The following VPS54 variants were observed in gnomAD, a reference collection of about 807,000 sequenced individuals.
VPS54 encodes VPS54 subunit of GARP complex.
A neutral mutation model predicts 121.5 loss-of-function variants in VPS54; 45 were observed. The ratio of observed to expected loss-of-function variants is 0.37; its 90% CI spans 0.29 to 0.47. The LOEUF (loss-of-function observed/expected upper bound fraction) is 0.47. Among genes scored for constraint, VPS54 ranks in the 20% least tolerant of loss-of-function variants. The probability of loss-of-function intolerance (pLI) is 0.99; values close to 1 mark genes in which losing one functional copy is unlikely to be tolerated. For synonymous variants in VPS54, 371 were observed against 385.8 expected, an observed-to-expected ratio of 0.96 and a Z score of 0.45; for missense variants, 1,090 against 1,131.4, an observed-to-expected ratio of 0.96 and a Z score of 0.52.
At chr2:64,002,468 GC>G (rs1359626140) in intron 1 of VPS54, among the ~76,000 whole-genome samples, 3 of 152,184 alleles carry the variant, frequency 2.0e-5, no homozygotes, top group African/African-American at 7.2e-5. Context: ...GAAGTGTTAA[GC>G]CACAGACATG....
rs753687856 is a variant in VPS54 at position 63,912,527 on chromosome 2, T to C, written c.2544+13A>G. The C allele has an allele frequency of 6.8e-6, 11 of 1,611,598 alleles. No homozygotes were observed. The highest frequency in any genetic ancestry group is 1.6e-4 in the Middle Eastern group (1 of 6,064). ...ACTTATGAAACGCCAATAGAAAATA[T>C]ATGAAAAAGTACCTTAGTGATATGA... is the stretch of plus-strand genomic sequence containing the variant. On this transcript the variant is annotated intron_variant, in intron 19 of 22. Transcript: ENST00000272322.
chr2:64,005,363 A>C (rs1678093901), intron 1 of VPS54, among the ~76,000 whole-genome samples: 2 of 151,442 alleles, frequency 1.3e-5, no homozygotes, highest in South Asian at 2.1e-4. Flanking sequence ...TCGGCCTCCC[A>C]AAGTGCTGGG....
In VPS54 at chr2:63,996,102, G is replaced by A. The variant is rs571876370; in HGVS notation, c.-20-12083C>T. Among the ~76,000 whole-genome samples, 3 of 152,274 alleles carry A rather than the reference G, an allele frequency of 2.0e-5. No homozygotes were observed. The East Asian group carries it at 5.8e-4, about 29-fold the overall frequency. Reference sequence around the variant, plus strand: ...CGAGAGAACAAGCCTTCATCACCATGGCACATTTATATAAAAAGAAAGGGA... The same window carrying A: ...CGAGAGAACAAGCCTTCATCACCATAGCACATTTATATAAAAAGAAAGGGA... On this transcript the variant is annotated intron_variant, in intron 1 of 22. Coordinates refer to ENST00000272322, the MANE Select transcript of VPS54 (RefSeq NM_016516.3).
At chr2:64,009,212 G>A (rs146070535) in intron 1 of VPS54, among the ~76,000 whole-genome samples, 1,869 of 152,126 alleles carry the variant, frequency 0.012, 17 homozygotes, top group Non-Finnish European at 0.015. Flanking sequence ...TCTCATAACT[G>A]TTACTTATGT....
At chr2:63,992,097 A>T (rs1677350502) in intron 1 of VPS54, among the ~76,000 whole-genome samples, 1 of 152,224 alleles carries the variant, frequency 6.6e-6, no homozygotes, top group Non-Finnish European at 1.5e-5. Flanking sequence ...TGACGAGATT[A>T]AACTAATCGT....
chr2:63,908,184 G>A (rs1304726969), intron 20 of VPS54, among the ~76,000 whole-genome samples: 2 of 152,116 alleles, frequency 1.3e-5, no homozygotes, highest in African/African-American at 4.8e-5. Context: ...ATCAATTGGT[G>A]AATGGATAAA....
chr2:64,009,287 T>A (rs924364675), intron 1 of VPS54, among the ~76,000 whole-genome samples: 6 of 152,282 alleles, frequency 3.9e-5, no homozygotes, highest in African/African-American at 1.4e-4. Context: ...AGACCAGGAC[T>A]ATTCCAAAAG....
At chr2:63,979,879 T>C (rs1393015739) in intron 3 of VPS54, among the ~76,000 whole-genome samples, 1 of 152,186 alleles carries the variant, frequency 6.6e-6, no homozygotes, top group Admixed American at 6.5e-5. Flanking sequence ...GTATTAAAAT[T>C]TGTTTTCAAA....
At chr2:63,994,352 C>T (rs1677480019) in intron 1 of VPS54, among the ~76,000 whole-genome samples, 3 of 152,146 alleles carry the variant, frequency 2.0e-5, no homozygotes. Context: ...TTTCCTTTCA[C>T]ACTGATTTAC....
intron 11 of VPS54, among the ~76,000 whole-genome samples, chr2:63,934,732 G>A (rs1026521647): frequency 6.6e-6 from 1 of 152,086 alleles, no homozygotes; most frequent in Non-Finnish European, 1.5e-5. Context: ...GTTTATTCTA[G>A]GTCTCCTTCT....
intron 8 of VPS54, among the ~76,000 whole-genome samples, chr2:63,947,725 C>T (rs1247870717): frequency 6.6e-6 from 1 of 152,050 alleles, no homozygotes; most frequent in Non-Finnish European, 1.5e-5. Context: ...AGCTGGTTTT[C>T]GGGCAAAACA....
intron 1 of VPS54, among the ~76,000 whole-genome samples, chr2:64,018,675 C>G (rs1370117206): frequency 6.8e-6 from 1 of 147,300 alleles, no homozygotes; most frequent in Admixed American, 6.9e-5. Flanking sequence ...GGGGCAAGAG[C>G]GGCGTTTGCG....
rs766183668 is a variant in VPS54, at chr2:63,913,688, G to A, written c.2335-378C>T. On this transcript the variant is annotated intron_variant, in intron 17 of 22. Coordinates refer to ENST00000272322, the MANE Select transcript of VPS54 (RefSeq NM_016516.3). ...GTCAGAACATAATTAACAGATTAGA[G>A]GTTTGAAAAAAATAATAAAGCATTT... is the stretch of plus-strand genomic sequence containing the variant. 9.8e-5 allele frequency: 29 copies of A among 296,094 alleles called. No homozygotes were observed. In the Middle Eastern group the frequency reaches 4.4e-3, roughly 45 times the overall value. 18.3% of individuals were successfully genotyped at this position (296,094 alleles called of 1,614,324 possible). A position where few individuals can be genotyped will look rare whatever the true frequency, so the allele number is the denominator to read the frequency against.
intron 20 of VPS54, among the ~76,000 whole-genome samples, chr2:63,900,426 A>G (rs1221880739): frequency 2.0e-5 from 3 of 152,180 alleles, no homozygotes; most frequent in African/African-American, 7.2e-5. Context: ...CTATTCTTAC[A>G]TATGAAACAA....
At chr2:64,012,425 C>T (rs1307880697) in intron 1 of VPS54, among the ~76,000 whole-genome samples, 1 of 147,374 alleles carries the variant, frequency 6.8e-6, no homozygotes, top group African/African-American at 2.5e-5. Context: ...AGCCTACTTC[C>T]AACAACGCAA....
At chr2:64,005,437 C>T (rs1208248108) in intron 1 of VPS54, among the ~76,000 whole-genome samples, 1 of 152,104 alleles carries the variant, frequency 6.6e-6, no homozygotes, top group East Asian at 1.9e-4. Context: ...TAGTAACTAC[C>T]TTATAGGCAA....
At chr2:63,965,724 C>A in intron 6 of VPS54, 111 bp downstream of exon 6, 1 of 1,468,732 alleles carries the variant, frequency 6.8e-7, no homozygotes, top group South Asian at 1.3e-5. Flanking sequence ...TCAGTAAGAA[C>A]AAAAATGAAT....
intron 15 of VPS54, among the ~76,000 whole-genome samples, chr2:63,917,863 T>C (rs1474698472): frequency 6.6e-6 from 1 of 151,990 alleles, no homozygotes; most frequent in Non-Finnish European, 1.5e-5. Flanking sequence ...ACAAGTTGCT[T>C]AACCTCTTTG....
At chr2:63,912,122 C>G (rs1485989264) in intron 20 of VPS54, among the ~76,000 whole-genome samples, 1 of 152,012 alleles carries the variant, frequency 6.6e-6, no homozygotes, top group African/African-American at 2.4e-5. Flanking sequence ...TTTCTAAACC[C>G]TGAATAATTT....
Sources: allele counts gnomAD v4.1 joint callset (sites outside exome capture counted in the v4.1 genomes callset), GRCh38; gene constraint gnomAD v4.1.1; transcripts MANE v1.5; gene names NCBI Gene and HGNC (gene_info 2026-07-23, HGNC 2026-07-21).